ERC1: variants seen among roughly 807,000 people sequenced by gnomAD.
The protein encoded by ERC1 is RAB6 interacting protein 2.
A neutral mutation model predicts 132.0 loss-of-function variants in ERC1; 56 were observed. The observed-to-expected ratio is 0.42, with a 90% CI of 0.34 to 0.53. The LOEUF is 0.53. Among genes scored for constraint, ERC1 ranks in the 20% least tolerant of loss-of-function variants. The pLI is 0.03. For missense variants in ERC1, 1,202 were observed against 1,349.9 expected, an observed-to-expected ratio of 0.89 and a Z score of 1.72; for synonymous variants, 478 against 476.1, an observed-to-expected ratio of 1.00 and a Z score of -0.05.
Position 1,215,140 on chromosome 12 carries a change from ATG to A in ERC1, c.2352-21627_2352-21626del, listed in dbSNP as rs565073859. On this transcript the variant is annotated intron_variant, in intron 12 of 18. Transcript: ENST00000360905. ...TGACTGTCTTACAATGAAATACCCT[ATG>A]TAGTTTCATTTATATTTATGGATAT... 9.2e-5 allele frequency among the ~76,000 whole-genome samples: 14 copies of A among 152,274 alleles called. No individual in the cohort carries two copies. In the East Asian group the frequency reaches 2.7e-3, roughly 29 times the overall value.
intron 12 of ERC1, among the ~76,000 whole-genome samples, chr12:1,228,415 A>G (rs558608308): frequency 3.1e-5 from 2 of 63,988 alleles, no homozygotes; most frequent in East Asian, 2.9e-4. Flanking sequence ...TGAACTTACT[A>G]TAATAGTTTT....
At chr12:1,146,587 T>A (rs1327232118) in intron 8 of ERC1, among the ~76,000 whole-genome samples, 2 of 151,576 alleles carry the variant, frequency 1.3e-5, no homozygotes, top group East Asian at 3.9e-4. Flanking sequence ...CCTGTTTGAT[T>A]GCTCTGACAA....
intron 15 of ERC1, among the ~76,000 whole-genome samples, chr12:1,350,161 T>TG (rs1382309107): frequency 2.0e-5 from 3 of 152,132 alleles, no homozygotes; most frequent in Non-Finnish European, 4.4e-5. Flanking sequence ...GATAAGAGGA[T>TG]GGGATGCGTT....
chr12:1,459,229 G>A (rs928048511), intron 18 of ERC1, among the ~76,000 whole-genome samples: 2 of 152,132 alleles, frequency 1.3e-5, no homozygotes, highest in African/African-American at 4.8e-5. Context: ...GGGTCTCCTA[G>A]AAAATGGTTT....
chr12:1,206,678 G>T (rs1193353855), intron 12 of ERC1, among the ~76,000 whole-genome samples: 5 of 152,086 alleles, frequency 3.3e-5, no homozygotes, highest in Admixed American at 6.6e-5. Flanking sequence ...GAAAATATAT[G>T]ATTTGGTTCA....
At chr12:1,330,414 T>C (rs752902681) in intron 15 of ERC1, among the ~76,000 whole-genome samples, 3 of 152,128 alleles carry the variant, frequency 2.0e-5, no homozygotes, top group South Asian at 2.1e-4. Flanking sequence ...TTGCTGCCTG[T>C]TTTCCCTCAC....
chr12:1,201,013 T>C (rs1956864035), intron 12 of ERC1, among the ~76,000 whole-genome samples: 1 of 152,240 alleles, frequency 6.6e-6, no homozygotes, highest in Non-Finnish European at 1.5e-5. Flanking sequence ...CATGTTTATA[T>C]ATGCATACAT....
intron 15 of ERC1, among the ~76,000 whole-genome samples, chr12:1,354,730 A>G (rs1215589550): frequency 6.6e-6 from 1 of 152,128 alleles, no homozygotes; most frequent in Non-Finnish European, 1.5e-5. Flanking sequence ...GGCTCACTGC[A>G]ACCTCCGCGT....
intron 16 of ERC1, among the ~76,000 whole-genome samples, chr12:1,377,157 G>A (rs981247658): frequency 2.6e-5 from 4 of 152,176 alleles, no homozygotes; most frequent in Non-Finnish European, 5.9e-5. Flanking sequence ...TTCAGTAGGT[G>A]TGGTATGAAA....
chr12:1,259,852 C>T (rs998238759), intron 13 of ERC1, among the ~76,000 whole-genome samples: 3 of 152,146 alleles, frequency 2.0e-5, no homozygotes, highest in Non-Finnish European at 2.9e-5. Context: ...AGATTCCTTT[C>T]TACACCCATA....
chr12:990,795 G>A (rs1959175196), upstream of ERC1, among the ~76,000 whole-genome samples: 1 of 152,140 alleles, frequency 6.6e-6, no homozygotes, highest in South Asian at 2.1e-4. Context: ...AGGGGGTGGG[G>A]CGCCGCTTAG....
intron 11 of ERC1, 92 bp from the exon 12 acceptor site, chr12:1,189,767 A>T: frequency 1.0e-6 from 1 of 964,490 alleles, no homozygotes; most frequent in Non-Finnish European, 1.5e-6. Context: ...ATAATTCTGT[A>T]CTTAAATTGG....
At chr12:1,315,897 A>ATT (rs1470031394) in intron 15 of ERC1, among the ~76,000 whole-genome samples, 1 of 135,818 alleles carries the variant, frequency 7.4e-6, no homozygotes, top group African/African-American at 2.8e-5. Flanking sequence ...AATGGTAAAC[A>ATT]TTTTTTTTTT....
chr12:1,348,510 T>C (rs1264542350), intron 15 of ERC1, among the ~76,000 whole-genome samples: 1 of 151,954 alleles, frequency 6.6e-6, no homozygotes, highest in Non-Finnish European at 1.5e-5. Flanking sequence ...AAAACCAACA[T>C]GGTGAAACCC....
chr12:1,285,964 G>A (rs11061686), intron 14 of ERC1, among the ~76,000 whole-genome samples: 9,586 of 152,156 alleles, frequency 0.063, 555 homozygotes, highest in African/African-American at 0.15. Context: ...TTTATTCCAA[G>A]AGTTCAAGGT....
intron 12 of ERC1, among the ~76,000 whole-genome samples, chr12:1,236,302 T>A (rs1157669848): frequency 6.6e-6 from 1 of 152,208 alleles, no homozygotes; most frequent in Admixed American, 6.5e-5. Context: ...TGGATTTTTA[T>A]GTCATTATTT....
chr12:1,232,437 A>G (rs566787189), intron 12 of ERC1, among the ~76,000 whole-genome samples: 1 of 152,304 alleles, frequency 6.6e-6, no homozygotes, highest in African/African-American at 2.4e-5. Context: ...GGTAATGCAC[A>G]TGCTCATTCA....
intron 16 of ERC1, chr12:1,381,332 C>T (rs542270609): frequency 2.0e-4 from 30 of 152,204 alleles, no homozygotes; most frequent in Non-Finnish European, 3.7e-4. Flanking sequence ...AATAATTCAA[C>T]GGCCCTTATT....
In ERC1 at chr12:991,239, T is replaced by TGCTGTG. The variant is rs1959190415; in HGVS notation, c.-237_-232dup. On this transcript the variant is annotated 5_prime_UTR_variant, in exon 1 of 19. Coordinates refer to ENST00000360905, the MANE Select transcript of ERC1 (RefSeq NM_178040.4). ...GGTGACGTCGCGGGCGCCTGGGCCG[T>TGCTGTG]GCTGTGGCGGCGGCGGCGGCGGTAG... The TGCTGTG allele has an allele frequency of 1.2e-5, 1 of 81,608 alleles. No homozygotes were observed. The highest frequency in any genetic ancestry group is 2.3e-5 in the Non-Finnish European group (1 of 43,536). 5.1% of individuals were successfully genotyped at this position (81,608 alleles called of 1,614,324 possible). A position where few individuals can be genotyped will look rare whatever the true frequency, so the allele number is the denominator to read the frequency against.
Sources: gnomAD v4.1 joint callset for allele counts (sites outside exome capture counted in the v4.1 genomes callset) on GRCh38, gnomAD v4.1.1 for gene constraint, MANE v1.5 for transcripts, NCBI Gene and HGNC (gene_info 2026-07-23, HGNC 2026-07-21) for gene names.